Variants in OVCH1 observed in about 807,000 individuals in gnomAD.
The protein encoded by OVCH1 is ovochymase-1.
In OVCH1, 139 loss-of-function variants were observed where a neutral mutation model predicts 138.4. That is an observed-to-expected ratio of 1.00 (90% CI 0.87 to 1.16). The LOEUF (loss-of-function observed/expected upper bound fraction) is 1.16. OVCH1 is among the 50% of genes most tolerant of loss of function. OVCH1 has a pLI of 0.00. For synonymous variants in OVCH1, 453 were observed against 467.8 expected, an observed-to-expected ratio of 0.97 and a Z score of 0.41; for missense variants, 1,367 against 1,357.9, an observed-to-expected ratio of 1.01 and a Z score of -0.11.
In OVCH1 at chr12:29,477,443, G is replaced by A. The variant is rs942518437; in HGVS notation, c.1144C>T (p.Leu382=). Residue 382 remains leucine, a synonymous_variant, in exon 11 of 28, where the codon CTG becomes TTG. Transcript: ENST00000318184. ...ACCATGGCCTCACTGGTCTCTGCCA[G>A]CAATGGTGAAGGCAATATTTTTCCA... is the stretch of plus-strand genomic sequence containing the variant. 4 of 1,613,826 alleles carry A rather than the reference G, an allele frequency of 2.5e-6. No individual in the cohort carries two copies. The Admixed American group carries it at 5.0e-5, about 20-fold the overall frequency.
At chr12:29,407,665 T>C (rs1422407053), downstream of OVCH1, among the ~76,000 whole-genome samples, 7 of 152,166 alleles carry the variant, frequency 4.6e-5, no homozygotes, top group African/African-American at 7.2e-5. Flanking sequence ...CATTGGTCTC[T>C]ATCTCTGTTT....
chr12:29,485,037 C>T (rs1376269758), intron 8 of OVCH1, among the ~76,000 whole-genome samples: 1 of 152,164 alleles, frequency 6.6e-6, no homozygotes, highest in Admixed American at 6.5e-5. Context: ...AACACTTCTT[C>T]AGATTTAACA....
intron 16 of OVCH1, among the ~76,000 whole-genome samples, chr12:29,469,852 C>G (rs1160034157): frequency 1.3e-5 from 2 of 152,226 alleles, no homozygotes; most frequent in East Asian, 3.9e-4. Context: ...CAGTCTGTGA[C>G]AGAGAGACTG....
At chr12:29,491,154 C>T (rs1282567034) in exon 5 of OVCH1, 1 of 1,613,630 alleles carries the variant, frequency 6.2e-7, no homozygotes, top group East Asian at 2.2e-5. Flanking sequence ...TCAACTTTAT[C>T]ATCGCTGTCA....
intron 19 of OVCH1, among the ~76,000 whole-genome samples, chr12:29,460,508 C>G (rs1392955292): frequency 2.0e-5 from 3 of 152,124 alleles, no homozygotes; most frequent in Admixed American, 6.6e-5. Flanking sequence ...CTTCCCCACT[C>G]TCCACTACAC....
At chr12:29,484,532 G>A (rs1401895252) in intron 8 of OVCH1, among the ~76,000 whole-genome samples, 181 bp downstream of exon 9, 1 of 152,130 alleles carries the variant, frequency 6.6e-6, no homozygotes, top group Non-Finnish European at 1.5e-5. Flanking sequence ...GCATGCCCGT[G>A]TAATCCCTAC....
At chr12:29,450,874 G>A (rs575465666) in intron 22 of OVCH1, among the ~76,000 whole-genome samples, 2 of 152,186 alleles carry the variant, frequency 1.3e-5, no homozygotes, top group African/African-American at 4.8e-5. Context: ...CAGGGACATG[G>A]ATGAAGCCGG....
chr12:29,403,722 T>G, the OVCH1 span, among the ~76,000 whole-genome samples: 2 of 152,342 alleles, frequency 1.3e-5, no homozygotes, highest in African/African-American at 4.8e-5. Flanking sequence ...AAATGTCCAC[T>G]GCTCATCACA....
intron 3 of OVCH1, among the ~76,000 whole-genome samples, chr12:29,416,096 G>T (rs1361915571): frequency 6.7e-6 from 1 of 149,872 alleles, no homozygotes; most frequent in Admixed American, 6.6e-5. Context: ...AAAGGAAAAA[G>T]GAAAGGATAG....
intron 8 of OVCH1, among the ~76,000 whole-genome samples, chr12:29,484,454 A>T (rs1467611081): frequency 6.6e-6 from 1 of 152,218 alleles, no homozygotes; most frequent in East Asian, 1.9e-4. Context: ...ATATCAGATA[A>T]AATAGATACT....
rs547872217 is a variant in OVCH1 at position 29,435,581 on chromosome 12, C to G, written c.3265-1768G>C. Among the ~76,000 whole-genome samples the G allele has an allele frequency of 5.9e-5, 9 of 152,162 alleles. No individual in the cohort carries two copies. The South Asian group carries it at 1.9e-3, about 32-fold the overall frequency. ...GTGTTAGCCAGGATGGTCTTGATCT[C>G]CTGACCCCGTGATCCGCCCACCTCG... On this transcript the variant is annotated intron_variant, in intron 26 of 27. Transcript: ENST00000318184.
chr12:29,480,804 C>T (rs2136048883), intron 8 of OVCH1, among the ~76,000 whole-genome samples: 1 of 152,290 alleles, frequency 6.6e-6, no homozygotes, highest in East Asian at 1.9e-4. Context: ...CTTATGATTT[C>T]CTAGTTAGCT....
chr12:29,466,071 G>A (rs1942306673), intron 16 of OVCH1, among the ~76,000 whole-genome samples: 1 of 139,344 alleles, frequency 7.2e-6, no homozygotes, highest in African/African-American at 2.7e-5. Context: ...CACAGGAAGG[G>A]GAAGATCACA....
At position 29,439,487 on chromosome 12, in the gene OVCH1, A is replaced by T. The variant is rs1054280493; in HGVS notation, c.3158-53T>A. 7.0e-6 allele frequency: 10 copies of T among 1,437,576 alleles called. No homozygotes were observed. In the African/African-American group the frequency reaches 1.5e-4, roughly 21 times the overall value. The allele number at this position is 1,437,576 out of a possible 1,614,324, so 89.1% of individuals were successfully genotyped here. A position where few individuals can be genotyped will look rare whatever the true frequency, so the allele number is the denominator to read the frequency against. On this transcript the variant is annotated intron_variant, in intron 25 of 27. Transcript: ENST00000318184. Reference sequence around the variant, plus strand: ...ACAAACAAACAAAAAACAAAAAGCAAAAAACAAAAAACAAACTTCTCTACA... The same window carrying T: ...ACAAACAAACAAAAAACAAAAAGCATAAAACAAAAAACAAACTTCTCTACA...
chr12:29,423,149 A>G, downstream of OVCH1: 1 of 443,114 alleles, frequency 2.3e-6, no homozygotes, highest in Non-Finnish European at 4.5e-6. Flanking sequence ...ATTGGGTCTC[A>G]ATATTGCTCT....
intron 15 of OVCH1, among the ~76,000 whole-genome samples, chr12:29,472,338 A>G (rs1252397395): frequency 6.6e-6 from 1 of 152,214 alleles, no homozygotes; most frequent in African/African-American, 2.4e-5. Context: ...CTAGTAGGAA[A>G]ATTTCAAGTT....
In OVCH1 at chr12:29,455,404, C is replaced by T. The variant is rs578090590; in HGVS notation, c.2282G>A (p.Gly761Glu). 10 of 1,589,806 alleles carry T rather than the reference C, an allele frequency of 6.3e-6. No homozygotes were observed. In the Admixed American group the frequency reaches 7.5e-5, roughly 12 times the overall value. Residue 761 changes from glycine to glutamate, a missense_variant and splice_region_variant, in exon 20 of 28, where the codon GGA (glycine) becomes GAA (glutamate). Physicochemically the swap from Gly to Glu is moderately conservative, Grantham distance 98. Transcript: ENST00000318184. Reference sequence around the variant, plus strand: ...ACATACTAGTGGCCCACCAGAGTCTCCCTGAAACACCAAGAAAACATGTTT... The same window carrying T: ...ACATACTAGTGGCCCACCAGAGTCTTCCTGAAACACCAAGAAAACATGTTT...
chr12:29,454,374 A>G (rs1468791888), intron 21 of OVCH1, among the ~76,000 whole-genome samples: 1 of 152,208 alleles, frequency 6.6e-6, no homozygotes. Context: ...CTACAAGTCT[A>G]TTAGAGATTT....
At chr12:29,430,848 A>G (rs1393906501) in intron 27 of OVCH1, 4 of 515,382 alleles carry the variant, frequency 7.8e-6, no homozygotes, top group Non-Finnish European at 1.5e-5. Context: ...GATCAGTTCA[A>G]ATTGTTACAA....
Sources: gnomAD v4.1 joint callset for allele counts (sites outside exome capture counted in the v4.1 genomes callset) on GRCh38, gnomAD v4.1.1 for gene constraint, MANE v1.5 for transcripts, NCBI Gene and HGNC (gene_info 2026-07-23, HGNC 2026-07-21) for gene names.